MKLN1: variants seen among roughly 807,000 people sequenced by gnomAD.
MKLN1 encodes the protein muskelin.
A neutral mutation model predicts 99.0 loss-of-function variants in MKLN1; 18 were observed. That is an observed-to-expected ratio of 0.18 (90% CI 0.13 to 0.27). MKLN1 has a LOEUF of 0.27. Among genes scored for constraint, MKLN1 ranks in the 10% least tolerant of loss-of-function variants. The probability of loss-of-function intolerance (pLI) is 1.00; values close to 1 mark genes in which losing one functional copy is unlikely to be tolerated. For synonymous variants in MKLN1, 288 were observed against 293.2 expected (o/e 0.98, Z 0.18); for missense variants, 621 against 875.9 (o/e 0.71, Z 3.67).
chr7:131,418,836 T>C (rs748765784), intron 8 of MKLN1, among the ~76,000 whole-genome samples: 4 of 152,180 alleles, frequency 2.6e-5, no homozygotes, highest in Non-Finnish European at 5.9e-5. Flanking sequence ...TGGATTCCAA[T>C]GTCTGGAAGC....
chr7:131,242,548 AG>A, intron 3 of MKLN1: 1 of 364,454 alleles, frequency 2.7e-6, no homozygotes, highest in South Asian at 2.6e-5. Context: ...AAAAAGAAAA[AG>A]GAAAGTTCCT....
intron 2 of MKLN1, among the ~76,000 whole-genome samples, chr7:131,201,397 A>T (rs561328576): frequency 2.0e-4 from 31 of 152,228 alleles, no homozygotes; most frequent in Admixed American, 4.6e-4. Flanking sequence ...CACCAACTTG[A>T]ATTAGTGAAA....
intron 14 of MKLN1, among the ~76,000 whole-genome samples, chr7:131,465,311 T>C (rs1248904530): frequency 1.3e-5 from 2 of 152,196 alleles, no homozygotes; most frequent in Non-Finnish European, 1.5e-5. Flanking sequence ...TAGGCAGTTA[T>C]ACCTCTCACT....
chr7:131,266,490 A>G (rs1349385547), intron 3 of MKLN1, among the ~76,000 whole-genome samples: 2 of 152,176 alleles, frequency 1.3e-5, no homozygotes, highest in Non-Finnish European at 2.9e-5. Flanking sequence ...TTTGGTAGAT[A>G]AAAGTTTTTT....
intron 12 of MKLN1, among the ~76,000 whole-genome samples, chr7:131,461,818 C>T (rs1796521955): frequency 6.6e-6 from 1 of 151,988 alleles, no homozygotes; most frequent in Non-Finnish European, 1.5e-5. Context: ...TCATAATATG[C>T]ACTTTATGTA....
intron 3 of MKLN1, among the ~76,000 whole-genome samples, chr7:131,303,824 T>C (rs1055997107): frequency 6.6e-6 from 1 of 152,230 alleles, no homozygotes; most frequent in African/African-American, 2.4e-5. Context: ...AGTTCACTCT[T>C]ATATCCCCAT....
chr7:131,441,509 A>AT (rs1795839891), intron 10 of MKLN1, among the ~76,000 whole-genome samples: 2 of 152,174 alleles, frequency 1.3e-5, no homozygotes, highest in African/African-American at 4.8e-5. Flanking sequence ...GGCTTTAAAG[A>AT]TTTTTTTAAG....
At chr7:131,378,360 C>T (rs994688928) in intron 2 of MKLN1, among the ~76,000 whole-genome samples, 1 of 152,226 alleles carries the variant, frequency 6.6e-6, no homozygotes, top group African/African-American at 2.4e-5. Flanking sequence ...GATCCGCCCA[C>T]CTTGGCCACC....
intron 3 of MKLN1, among the ~76,000 whole-genome samples, chr7:131,271,419 C>G (rs1356030686): frequency 2.7e-5 from 4 of 148,482 alleles, no homozygotes; most frequent in Admixed American, 1.3e-4. Flanking sequence ...GAGATCGAGA[C>G]CATCCTCGCT....
intron 1 of MKLN1, among the ~76,000 whole-genome samples, chr7:131,115,378 A>C (rs1795258637): frequency 6.6e-6 from 1 of 152,112 alleles, no homozygotes; most frequent in South Asian, 2.1e-4. Flanking sequence ...ACATTTCCAA[A>C]ATGTCTCTTT....
At chr7:131,129,545 G>A (rs1321361090) in intron 1 of MKLN1, among the ~76,000 whole-genome samples, 1 of 152,142 alleles carries the variant, frequency 6.6e-6, no homozygotes, top group Non-Finnish European at 1.5e-5. Context: ...GGTTATGGAA[G>A]ATATCATGAC....
At chr7:131,283,352 CCTT>C (rs1563278453) in intron 3 of MKLN1, among the ~76,000 whole-genome samples, 582 of 37,890 alleles carry the variant, frequency 0.015, 18 homozygotes, top group African/African-American at 0.031. Context: ...TCCCCTCCTT[CCTT>C]CCTTCCTTCC....
intron 2 of MKLN1, among the ~76,000 whole-genome samples, chr7:131,177,004 A>G (rs1433108463): frequency 2.0e-5 from 3 of 152,252 alleles, no homozygotes; most frequent in African/African-American, 2.4e-5. Context: ...AATTCTGGCT[A>G]TGATGATCTC....
Position 131,347,229 on chromosome 7 carries a change from G to T in MKLN1, c.98+19232G>T, listed in dbSNP as rs183280607. Among the ~76,000 whole-genome samples the T allele has an allele frequency of 7.7e-4, 117 of 152,322 alleles. 1 individual carries two copies. Among genetic ancestry groups the T allele is most frequent in the Admixed American group, 5.6e-3 (85 of 15,304 alleles). On this transcript the variant is annotated intron_variant, in intron 1 of 17. Coordinates refer to ENST00000352689, the MANE Select transcript of MKLN1 (RefSeq NM_013255.5). Reference sequence around the variant, plus strand: ...GAAAATTTATCTGAGCTAAAGAAAGGCTCAGTTGAAGTCATTAGTTTGAAC... The same window carrying T: ...GAAAATTTATCTGAGCTAAAGAAAGTCTCAGTTGAAGTCATTAGTTTGAAC...
chr7:131,173,458 C>A (rs1796245942), intron 2 of MKLN1, among the ~76,000 whole-genome samples: 3 of 152,322 alleles, frequency 2.0e-5, no homozygotes, highest in Non-Finnish European at 2.9e-5. Context: ...GTGGCTCACG[C>A]CCATAATCCT....
intron 1 of MKLN1, among the ~76,000 whole-genome samples, chr7:131,329,634 A>C (rs773627662): frequency 6.6e-6 from 1 of 152,148 alleles, no homozygotes; most frequent in Non-Finnish European, 1.5e-5. Context: ...CACTCCTTAA[A>C]TTTTTGATGT....
At chr7:131,265,129 C>T (rs995752881) in intron 3 of MKLN1, among the ~76,000 whole-genome samples, 11 of 151,960 alleles carry the variant, frequency 7.2e-5, no homozygotes, top group East Asian at 1.9e-4. Flanking sequence ...CGTGAGCCAC[C>T]GCGCCTGTCC....
chr7:131,395,527 C>T (rs1794335753), intron 4 of MKLN1, among the ~76,000 whole-genome samples: 3 of 147,592 alleles, frequency 2.0e-5, no homozygotes, highest in East Asian at 2.0e-4. Flanking sequence ...GTGAGGCATA[C>T]AGTGCACCTT....
chr7:131,167,439 A>G (rs1317214242), intron 2 of MKLN1, among the ~76,000 whole-genome samples: 1 of 152,188 alleles, frequency 6.6e-6, no homozygotes, highest in East Asian at 1.9e-4. Context: ...TGGGAGGCTG[A>G]GGCAGGAGGA....
Sources: gnomAD v4.1 joint callset for allele counts (sites outside exome capture counted in the v4.1 genomes callset) on GRCh38, gnomAD v4.1.1 for gene constraint, MANE v1.5 for transcripts, NCBI Gene and HGNC (gene_info 2026-07-23, HGNC 2026-07-21) for gene names.